NOX4: variants seen among roughly 807,000 people sequenced by gnomAD.
The protein encoded by NOX4 is kidney oxidase-1.
Under a neutral mutation model 87.6 loss-of-function variants are expected in NOX4, and 69 were observed. The observed-to-expected ratio is 0.79, with a 90% CI of 0.65 to 0.96. The LOEUF (loss-of-function observed/expected upper bound fraction) is 0.96, where lower values mean the gene tolerates loss of function less well. NOX4 is among the 40% of genes least tolerant of loss of function. The pLI, the probability that NOX4 is intolerant of heterozygous loss-of-function variation, is 0.00. For missense variants in NOX4, 680 were observed against 681.5 expected, an observed-to-expected ratio of 1.00 and a Z score of 0.02; for synonymous variants, 275 against 238.2, an observed-to-expected ratio of 1.15 and a Z score of -1.42.
At chr11:89,460,638 C>A (rs1471243551) in intron 2 of NOX4, among the ~76,000 whole-genome samples, 1 of 152,072 alleles carries the variant, frequency 6.6e-6, no homozygotes, top group Non-Finnish European at 1.5e-5. Context: ...GAATGGTGAT[C>A]ATTAAAAAGT....
At chr11:89,402,590 G>C in intron 8 of NOX4, 48 bp from the exon 9 acceptor site, 2 of 1,368,188 alleles carry the variant, frequency 1.5e-6, no homozygotes, top group Non-Finnish European at 2.1e-6. Flanking sequence ...AAAGATTTGA[G>C]ATCAGGGGAC....
intron 12 of NOX4, among the ~76,000 whole-genome samples, chr11:89,363,200 A>G (rs1392707069): frequency 6.6e-6 from 1 of 152,102 alleles, no homozygotes; most frequent in African/African-American, 2.4e-5. Flanking sequence ...GAGGTTTTAT[A>G]AAAAATAAAA....
At chr11:89,394,701 G>A (rs1239401011) in intron 11 of NOX4, among the ~76,000 whole-genome samples, 1 of 151,840 alleles carries the variant, frequency 6.6e-6, no homozygotes, top group Admixed American at 6.6e-5. Flanking sequence ...CCCGCCCTGT[G>A]TACAAGTGTT....
chr11:89,389,526 G>T (rs1179909367), intron 11 of NOX4, among the ~76,000 whole-genome samples: 7 of 152,170 alleles, frequency 4.6e-5, no homozygotes, highest in African/African-American at 1.7e-4. Flanking sequence ...TAAAAACAGG[G>T]GGATTTATTC....
the NOX4 span, among the ~76,000 whole-genome samples, chr11:89,551,860 G>T: frequency 6.6e-6 from 1 of 151,856 alleles, no homozygotes; most frequent in Non-Finnish European, 1.5e-5. Context: ...GGGCATCCTT[G>T]TCTTGTGATG....
At chr11:89,336,952 C>T (rs541824625) in intron 16 of NOX4, among the ~76,000 whole-genome samples, 13 of 152,028 alleles carry the variant, frequency 8.6e-5, no homozygotes, top group Non-Finnish European at 1.6e-4. Context: ...TTAGTTTCAT[C>T]ACTTGCAAAA....
intron 12 of NOX4, among the ~76,000 whole-genome samples, chr11:89,361,802 T>G (rs1938545263): frequency 6.6e-6 from 1 of 152,092 alleles, no homozygotes; most frequent in Admixed American, 6.6e-5. Flanking sequence ...GAAAATAAGC[T>G]AGGGGTCATG....
In NOX4 at chr11:89,326,609, C is replaced by T. The variant is rs188938948; in HGVS notation, c.*147G>A. The T allele has an allele frequency of 4.3e-4, 259 of 601,492 alleles. No individual in the cohort carries two copies. The highest frequency in any genetic ancestry group is 6.1e-4 in the Non-Finnish European group (223 of 367,448). 37.3% of individuals were successfully genotyped at this position (601,492 alleles called of 1,614,324 possible). On this transcript the variant is annotated 3_prime_UTR_variant, in exon 18 of 18. Transcript: ENST00000263317. ...ATGTAATGTGACGGTCATCTTGCCA[C>T]ATTCTCACATTTCCATTTTAAATAA...
the NOX4 span, among the ~76,000 whole-genome samples, chr11:89,540,124 T>C: frequency 1.3e-5 from 2 of 152,098 alleles, no homozygotes; most frequent in African/African-American, 2.4e-5. Context: ...ACATGCAACA[T>C]AAAATGCCAA....
the NOX4 span, among the ~76,000 whole-genome samples, chr11:89,555,182 T>TAA: frequency 1.1e-3 from 166 of 150,072 alleles, no homozygotes; most frequent in South Asian, 1.5e-3. Flanking sequence ...CCAGAGTTGT[T>TAA]AAAAAAAAAA....
At chr11:89,461,055 A>G (rs895061677) in intron 2 of NOX4, among the ~76,000 whole-genome samples, 1 of 152,170 alleles carries the variant, frequency 6.6e-6, no homozygotes, top group East Asian at 1.9e-4. Flanking sequence ...AACTGTTGCA[A>G]GGACAAAAAA....
At chr11:89,360,731 C>T (rs1421142807) in intron 12 of NOX4, among the ~76,000 whole-genome samples, 2 of 151,862 alleles carry the variant, frequency 1.3e-5, no homozygotes, top group Non-Finnish European at 2.9e-5. Context: ...CCAGAATCTA[C>T]AAGGAATTAA....
At chr11:89,544,165 C>A in the NOX4 span, among the ~76,000 whole-genome samples, 1 of 152,048 alleles carries the variant, frequency 6.6e-6, no homozygotes, top group South Asian at 2.1e-4. Flanking sequence ...ACATTTCAAC[C>A]AATATTTGTT....
chr11:89,569,381 A>T, the NOX4 span, among the ~76,000 whole-genome samples: 3 of 152,294 alleles, frequency 2.0e-5, no homozygotes, highest in East Asian at 3.9e-4. Flanking sequence ...TAACCCTATT[A>T]AAAAAATGGG....
intron 11 of NOX4, among the ~76,000 whole-genome samples, chr11:89,387,317 C>A (rs935006741): frequency 1.3e-5 from 2 of 152,064 alleles, no homozygotes; most frequent in Admixed American, 6.6e-5. Context: ...TGTGAAATTC[C>A]TTCTCCTGGC....
At chr11:89,517,099 C>T in the NOX4 span, among the ~76,000 whole-genome samples, 1 of 152,004 alleles carries the variant, frequency 6.6e-6, no homozygotes, top group Non-Finnish European at 1.5e-5. Flanking sequence ...AATGACCACT[C>T]TCCACCATTA....
the NOX4 span, among the ~76,000 whole-genome samples, chr11:89,535,576 C>T: frequency 4.6e-5 from 7 of 152,114 alleles, no homozygotes; most frequent in African/African-American, 1.4e-4. Context: ...CTGCTTTTTG[C>T]TTTCCCTCTT....
At chr11:89,508,503 GT>G in the NOX4 span, among the ~76,000 whole-genome samples, 1 of 152,038 alleles carries the variant, frequency 6.6e-6, no homozygotes, top group Non-Finnish European at 1.5e-5. Flanking sequence ...TATTTATGGT[GT>G]TTTGAACGTG....
At chr11:89,393,226 A>G (rs1157482304) in intron 11 of NOX4, among the ~76,000 whole-genome samples, 1 of 152,084 alleles carries the variant, frequency 6.6e-6, no homozygotes, top group Admixed American at 6.6e-5. Flanking sequence ...CCTATAATAC[A>G]CAGAACAACA....
Sources: gnomAD v4.1 joint callset for allele counts (sites outside exome capture counted in the v4.1 genomes callset) on GRCh38, gnomAD v4.1.1 for gene constraint, MANE v1.5 for transcripts, NCBI Gene and HGNC (gene_info 2026-07-23, HGNC 2026-07-21) for gene names.